XRCC1: variants seen among roughly 807,000 people sequenced by gnomAD.
The protein encoded by XRCC1 is DNA repair protein XRCC1.
XRCC1 carries 52 observed loss-of-function variants against 83.3 expected under a neutral mutation model. The ratio of observed to expected loss-of-function variants is 0.62; its 90% CI spans 0.50 to 0.79. XRCC1 has a LOEUF of 0.79. Among genes scored for constraint, XRCC1 ranks in the 30% least tolerant of loss-of-function variants. The pLI is 0.00. For missense variants in XRCC1, 793 were observed against 823.5 expected, an observed-to-expected ratio of 0.96 and a Z score of 0.45; for synonymous variants, 281 against 312.6, an observed-to-expected ratio of 0.90 and a Z score of 1.07.
chr19:43,575,003 C>A lies in XRCC1; in HGVS notation c.52-1G>T. ...TGAGAAGATTTTCTGCACAGTGAGT[C>A]TGGAAACAACAGTGGGAGAGGAGAA... On this transcript the variant is annotated splice_acceptor_variant, in intron 1 of 16. Coordinates refer to ENST00000262887, the MANE Select transcript of XRCC1 (RefSeq NM_006297.3). LOFTEE classifies it high-confidence loss of function. The A allele has an allele frequency of 6.2e-7, 1 of 1,612,952 alleles. No homozygotes were observed. Among genetic ancestry groups the A allele is most frequent in the South Asian group, 1.1e-5 (1 of 91,032 alleles).
chr19:43,544,841 T>TTG (rs200892221), intron 14 of XRCC1, among the ~76,000 whole-genome samples: 2,052 of 95,550 alleles, frequency 0.021, 37 homozygotes, highest in African/African-American at 0.059. Flanking sequence ...AAGGCGGGGG[T>TTG]CGGGGGGGGT....
At chr19:43,564,114 T>C (rs73556512) in intron 2 of XRCC1, among the ~76,000 whole-genome samples, 4,509 of 152,236 alleles carry the variant, frequency 0.03, 102 homozygotes, top group African/African-American at 0.063. Flanking sequence ...TTCAAATCCA[T>C]ACCAAGAATG....
Position 43,551,879 on chromosome 19 carries a change from G to C in XRCC1, c.1082+138C>G. On this transcript the variant is annotated intron_variant, in intron 9 of 16. Transcript: ENST00000262887. The stretch of plus-strand genomic sequence containing the variant: ...AATCAGAGAGAAGACAAAGGCTACA[G>C]AATGCAGTGAGAAAGAAAGCAAGTG... 4 of 1,123,402 alleles carry C rather than the reference G, an allele frequency of 3.6e-6. No individual in the cohort carries two copies. In the Middle Eastern group the frequency reaches 8.5e-4, roughly 239 times the overall value. 69.6% of individuals were successfully genotyped at this position (1,123,402 alleles called of 1,614,324 possible).
chr19:43,560,838 C>T, intron 3 of XRCC1, 72 bp downstream of exon 3: 3 of 1,299,232 alleles, frequency 2.3e-6, no homozygotes, highest in South Asian at 1.2e-5. Context: ...CAGCCCCAGC[C>T]CCTGGGGGAG....
In XRCC1 at chr19:43,553,080, C is replaced by G. The variant is rs778314777; in HGVS notation, c.613G>C (p.Asp205His). The change falls in exon 7 of 17, where the codon GAC (aspartate) becomes CAC (histidine). Residue 205 changes from aspartate to histidine, a missense_variant. Asp to His is a moderately conservative substitution (Grantham distance 81). Transcript: ENST00000262887. ...INKTSPVTAS[D>H]PAGPSYAAAT... is the part of the protein sequence containing the mutation. ...GCTGCATAGCTAGGTCCTGCTGGGT[C>G]GCTGGCTGTGACTATGAAGGGAGAA... 6.4e-7 allele frequency: 1 copy of G among 1,572,292 alleles called. No individual in the cohort carries two copies. The highest frequency in any genetic ancestry group is 2.3e-5 in the East Asian group (1 of 43,376).
At chr19:43,549,632 T>C (rs568461498) in intron 10 of XRCC1, among the ~76,000 whole-genome samples, 3 of 152,142 alleles carry the variant, frequency 2.0e-5, no homozygotes, top group African/African-American at 7.2e-5. Flanking sequence ...TCATGGCTCA[T>C]TGCAGCCTGA....
At chr19:43,561,911 AGCACTCT>A (rs927090306) in intron 2 of XRCC1, among the ~76,000 whole-genome samples, 1 of 152,158 alleles carries the variant, frequency 6.6e-6, no homozygotes, top group Admixed American at 6.6e-5. Context: ...CTGTAAATCC[AGCACTCT>A]GCGAGGCCAA....
chr19:43,543,810 C>G (rs999823536), intron 15 of XRCC1, 123 bp from the exon 16 acceptor site: 1 of 842,060 alleles, frequency 1.2e-6, no homozygotes. Context: ...TAGGTTGCCT[C>G]TAGGCTCCAT....
intron 2 of XRCC1, among the ~76,000 whole-genome samples, chr19:43,565,075 C>T (rs748100211): frequency 5.9e-5 from 9 of 152,164 alleles, no homozygotes; most frequent in Non-Finnish European, 8.8e-5. Flanking sequence ...TTGCCTCCCT[C>T]TTTCCCTTAT....
At chr19:43,549,780 AT>A (rs112940646) in intron 10 of XRCC1, among the ~76,000 whole-genome samples, 5 of 151,228 alleles carry the variant, frequency 3.3e-5, no homozygotes, top group Non-Finnish European at 4.4e-5. Flanking sequence ...TCATATAGTT[AT>A]TTTTTTTTAG....
At chr19:43,551,770 G>C in intron 9 of XRCC1, 83 bp from the exon 10 acceptor site, 1 of 1,154,786 alleles carries the variant, frequency 8.7e-7, no homozygotes, top group Admixed American at 1.7e-5. Flanking sequence ...CAGACAGAGA[G>C]AGAGAGAGAC....
intron 2 of XRCC1, 149 bp downstream of exon 2, chr19:43,574,761 C>T: frequency 1.5e-6 from 1 of 650,578 alleles, no homozygotes. Flanking sequence ...TGCTGAGGGG[C>T]ACAGGGATTA....
intron 10 of XRCC1, among the ~76,000 whole-genome samples, chr19:43,548,136 C>T (rs1457344365): frequency 2.0e-5 from 3 of 150,914 alleles, no homozygotes; most frequent in African/African-American, 4.9e-5. Context: ...CCCGGCCAGC[C>T]GCCCCTCCAG....
In XRCC1 at chr19:43,554,781, G is replaced by A; in HGVS notation, c.279C>T (p.Phe93=). The A allele has an allele frequency of 6.2e-7, 1 of 1,612,690 alleles. No homozygotes were observed. The highest frequency in any genetic ancestry group is 8.5e-7 in the Non-Finnish European group (1 of 1,178,902). The change falls in exon 4 of 17, where the codon TTC becomes TTT. Residue 93 remains phenylalanine (F), a synonymous_variant. Transcript: ENST00000262887. ...DYEVLLVTSS[F]MSPSESRSGS... ...CACTGCGGCTCTCGGAAGGGGACAT[G>A]AAAGATGAGGTGACCAGAAGGACCT...
chr19:43,546,820 T>C (rs781465706), intron 11 of XRCC1, 64 bp downstream of exon 11: 1 of 1,599,052 alleles, frequency 6.3e-7, no homozygotes, highest in Non-Finnish European at 8.5e-7. Context: ...AAGTTTGGGG[T>C]GCCACAGCGG....
chr19:43,546,751 G>A, intron 11 of XRCC1, 24 bp from the exon 12 acceptor site: 1 of 1,601,516 alleles, frequency 6.2e-7, no homozygotes, highest in Non-Finnish European at 8.5e-7. Context: ...GTGGGTGGGT[G>A]AGGAGGGCAG....
chr19:43,561,752 AG>A (rs1461046002), intron 2 of XRCC1, among the ~76,000 whole-genome samples: 2 of 152,232 alleles, frequency 1.3e-5, no homozygotes, highest in Non-Finnish European at 2.9e-5. Context: ...ATGAAGATGC[AG>A]AAAGCCGTGC....
chr19:43,560,081 C>CA (rs897586061), intron 3 of XRCC1, among the ~76,000 whole-genome samples: 17 of 148,226 alleles, frequency 1.1e-4, no homozygotes, highest in Admixed American at 7.4e-4. Flanking sequence ...AACCCTGTCT[C>CA]AAAAAAAAAT....
Position 43,545,957 on chromosome 19 carries a change from C to G in XRCC1, c.1482G>C (p.Arg494Ser). The G allele has an allele frequency of 6.2e-7, 1 of 1,613,826 alleles. No individual in the cohort carries two copies. Among genetic ancestry groups the G allele is most frequent in the South Asian group, 1.1e-5 (1 of 91,070 alleles). Residue 494 changes from arginine (R) to serine (S), a missense_variant and splice_region_variant, in exon 14 of 17, where the codon AGG becomes AGC. By Grantham distance (110) the Arg-to-Ser change is moderately radical. Coordinates refer to ENST00000262887, the MANE Select transcript of XRCC1 (RefSeq NM_006297.3). ...GTCTGTGTTCCTTCTGCTCTGCCAC[C>G]CTGGGGGTGCCAAGAGGAGTAGAGA... ...DSGDTEDELRRVAEQKEHRLP... is the reference protein window; with the variant it reads ...DSGDTEDELRSVAEQKEHRLP...
Sources: gnomAD v4.1 joint callset for allele counts (sites outside exome capture counted in the v4.1 genomes callset) on GRCh38, gnomAD v4.1.1 for gene constraint, MANE v1.5 for transcripts, NCBI Gene and HGNC (gene_info 2026-07-23, HGNC 2026-07-21) for gene names.